Variants in EPHA7 observed in about 807,000 individuals in gnomAD.
EPHA7 encodes ephrin type-A receptor 7.
In EPHA7, 25 loss-of-function variants were observed where a neutral mutation model predicts 112.6. That is an observed-to-expected ratio of 0.22 (90% CI 0.16 to 0.31). The LOEUF (loss-of-function observed/expected upper bound fraction) is 0.31, where lower values mean the gene tolerates loss of function less well. Among genes scored for constraint, EPHA7 ranks in the 10% least tolerant of loss-of-function variants. EPHA7 has a pLI of 1.00. For synonymous variants in EPHA7, 437 were observed against 406.5 expected (o/e 1.07, Z -0.90); for missense variants, 962 against 1,212.6 (o/e 0.79, Z 3.07).
chr6:93,281,219 T>C (rs1771721234), intron 5 of EPHA7, among the ~76,000 whole-genome samples: 1 of 152,098 alleles, frequency 6.6e-6, no homozygotes, highest in Non-Finnish European at 1.5e-5. Flanking sequence ...GAAAATGAAA[T>C]GACTACCAAA....
intron 5 of EPHA7, among the ~76,000 whole-genome samples, chr6:93,307,704 A>G (rs760986518): frequency 2.0e-4 from 31 of 152,280 alleles, no homozygotes; most frequent in Non-Finnish European, 4.0e-4. Context: ...ATATGTATGC[A>G]CATATATTAC....
intron 5 of EPHA7, among the ~76,000 whole-genome samples, chr6:93,291,124 C>A (rs1230280929): frequency 2.6e-5 from 4 of 152,048 alleles, no homozygotes. Flanking sequence ...TCTCTGAAAA[C>A]CCCCTTATGG....
At chr6:93,380,228 G>T (rs185543887) in intron 3 of EPHA7, among the ~76,000 whole-genome samples, 1 of 152,090 alleles carries the variant, frequency 6.6e-6, no homozygotes, top group South Asian at 2.1e-4. Context: ...TAATTCCTGC[G>T]CTCCAGTTCT....
In EPHA7 at chr6:93,377,550, T is replaced by TAA. The variant is rs5878313; in HGVS notation, c.833-19141_833-19140dup. Among the ~76,000 whole-genome samples the TAA allele has an allele frequency of 1.9e-3, 275 of 148,572 alleles. 1 individual carries two copies. The highest frequency in any genetic ancestry group is 0.011 in the Middle Eastern group (3 of 282). On this transcript the variant is annotated intron_variant, in intron 3 of 16. Coordinates refer to ENST00000369303, the MANE Select transcript of EPHA7 (RefSeq NM_004440.4). ...AAATAAGAAAAAAGCTTTGAAAAACTAAAAAAAAAAATGTGCTACATAGAT... is the reference window on the plus strand; with the variant it reads ...AAATAAGAAAAAAGCTTTGAAAAACTAAAAAAAAAAAAATGTGCTACATAGAT...
intron 6 of EPHA7, among the ~76,000 whole-genome samples, chr6:93,270,937 A>C (rs1175222731): frequency 6.6e-6 from 1 of 151,800 alleles, no homozygotes; most frequent in East Asian, 1.9e-4. Flanking sequence ...GTAAGGCCAA[A>C]AAATGATTTG....
At chr6:93,243,564 T>C in intron 16 of EPHA7, 24 bp from the exon 17 acceptor site, 1 of 1,494,582 alleles carries the variant, frequency 6.7e-7, no homozygotes, top group Non-Finnish European at 9.3e-7. Context: ...ATGCACTTTT[T>C]ATTAGGTACC....
At chr6:93,387,418 C>T (rs1777663970) in intron 3 of EPHA7, among the ~76,000 whole-genome samples, 1 of 152,038 alleles carries the variant, frequency 6.6e-6, no homozygotes, top group African/African-American at 2.4e-5. Context: ...TAGGAAATTC[C>T]CAACTTTCCC....
At chr6:93,387,806 G>A (rs558435334) in intron 3 of EPHA7, among the ~76,000 whole-genome samples, 1 of 152,012 alleles carries the variant, frequency 6.6e-6, no homozygotes, top group Non-Finnish European at 1.5e-5. Context: ...ACAGCATGGG[G>A]TAATCACCTC....
intron 5 of EPHA7, among the ~76,000 whole-genome samples, chr6:93,322,789 C>T (rs9354004): frequency 0.17 from 26,396 of 151,352 alleles, 2,732 homozygotes; most frequent in East Asian, 0.34. Flanking sequence ...GGAAGCCTTC[C>T]AAAAGTCACC....
chr6:93,363,781 T>C (rs1158660639), intron 3 of EPHA7, among the ~76,000 whole-genome samples: 1 of 152,194 alleles, frequency 6.6e-6, no homozygotes, highest in Non-Finnish European at 1.5e-5. Context: ...CATAGTGGAA[T>C]TATTTGTAAT....
At chr6:93,373,327 A>C (rs1776894225) in intron 3 of EPHA7, among the ~76,000 whole-genome samples, 1 of 152,000 alleles carries the variant, frequency 6.6e-6, no homozygotes, top group Non-Finnish European at 1.5e-5. Flanking sequence ...TAAAATCTAA[A>C]TGTTCTGTGT....
chr6:93,278,496 T>C (rs1771572682), intron 5 of EPHA7, among the ~76,000 whole-genome samples: 1 of 152,094 alleles, frequency 6.6e-6, no homozygotes, highest in Non-Finnish European at 1.5e-5. Flanking sequence ...GAGTTCCTGA[T>C]AGTAAGACAC....
chr6:93,364,548 A>AG (rs1431278431), intron 3 of EPHA7, among the ~76,000 whole-genome samples: 1 of 151,852 alleles, frequency 6.6e-6, no homozygotes, highest in African/African-American at 2.4e-5. Flanking sequence ...AAAAAAAAAA[A>AG]AAAAAAATTC....
chr6:93,329,654 CTAAA>C (rs1774493467), intron 5 of EPHA7, among the ~76,000 whole-genome samples: 1 of 151,200 alleles, frequency 6.6e-6, no homozygotes, highest in South Asian at 2.1e-4. Context: ...GTATGACTGA[CTAAA>C]TAAACTTAGT....
intron 6 of EPHA7, among the ~76,000 whole-genome samples, chr6:93,271,057 T>A (rs138621823): frequency 1.1e-4 from 16 of 151,870 alleles, no homozygotes; most frequent in African/African-American, 2.9e-4. Flanking sequence ...GGATGCAATT[T>A]AAGCAGAGAA....
intron 3 of EPHA7, 141 bp from the exon 4 acceptor site, chr6:93,358,552 G>T: frequency 4.6e-6 from 3 of 655,096 alleles, no homozygotes; most frequent in Non-Finnish European, 7.1e-6. Context: ...TTCATTTTAG[G>T]GTATTTCACT....
Position 93,410,409 on chromosome 6 carries a change from A to G in EPHA7, c.832+92T>C, listed in dbSNP as rs1011659871. The G allele has an allele frequency of 8.5e-7, 1 of 1,181,762 alleles. No individual in the cohort carries two copies. The highest frequency in any genetic ancestry group is 1.2e-6 in the Non-Finnish European group (1 of 833,066). The allele number at this position is 1,181,762 out of a possible 1,614,324, so 73.2% of individuals were successfully genotyped here. ...GAATTGCGCTTCTGGTACAGAGCAG[A>G]TTCACGTATTCAAATAACTATTAAA... On this transcript the variant is annotated intron_variant, in intron 3 of 16. Coordinates refer to ENST00000369303, the MANE Select transcript of EPHA7 (RefSeq NM_004440.4). This position sits in a 1 kb window ranked among gnomAD's most constrained non-coding sequence, Gnocchi z 4.0.
At chr6:93,405,357 GA>G (rs986369962) in intron 3 of EPHA7, among the ~76,000 whole-genome samples, 5 of 151,344 alleles carry the variant, frequency 3.3e-5, no homozygotes, top group Admixed American at 6.6e-5. Flanking sequence ...ACTGCTGGTG[GA>G]AAAAAAGGGT....
chr6:93,244,741 C>G (rs1769869762), intron 16 of EPHA7, among the ~76,000 whole-genome samples: 1 of 151,912 alleles, frequency 6.6e-6, no homozygotes, highest in African/African-American at 2.4e-5. Context: ...TACTTTTAAG[C>G]TATGGTTAAC....
Sources: gnomAD v4.1 joint callset for allele counts (sites outside exome capture counted in the v4.1 genomes callset) on GRCh38, gnomAD v4.1.1 for gene constraint, Gnocchi (gnomAD v3.1) non-coding constraint, MANE v1.5 for transcripts, NCBI Gene and HGNC (gene_info 2026-07-23, HGNC 2026-07-21) for gene names.